Variants in UBE2B observed in about 807,000 individuals in gnomAD.
UBE2B encodes ubiquitin-conjugating enzyme E2 B.
Under a neutral mutation model 24.6 loss-of-function variants are expected in UBE2B, and 11 were observed. That is an observed-to-expected ratio of 0.45 (90% CI 0.28 to 0.74). The LOEUF (loss-of-function observed/expected upper bound fraction) is 0.74, where lower values mean the gene tolerates loss of function less well. Among genes scored for constraint, UBE2B ranks in the 30% least tolerant of loss-of-function variants. UBE2B has a pLI of 0.13. For synonymous variants in UBE2B, 68 were observed against 62.4 expected (o/e 1.09, Z -0.42); for missense variants, 78 against 185.6 (o/e 0.42, Z 3.37).
At chr5:134,383,154 A>C (rs1438417318) in intron 4 of UBE2B, among the ~76,000 whole-genome samples, 1 of 152,094 alleles carries the variant, frequency 6.6e-6, no homozygotes. Flanking sequence ...ACAGAGCAAG[A>C]CTCCATCTCA....
chr5:134,378,266 T>G (rs1251043797), intron 3 of UBE2B, among the ~76,000 whole-genome samples: 1 of 152,190 alleles, frequency 6.6e-6, no homozygotes, highest in East Asian at 1.9e-4. Flanking sequence ...TGGGTTTTTT[T>G]TGTTTGTTTT....
At chr5:134,385,768 C>G (rs923193579) in intron 4 of UBE2B, 1 of 152,216 alleles carries the variant, frequency 6.6e-6, no homozygotes, top group African/African-American at 2.4e-5. Context: ...AGTCCCAGCA[C>G]TTTGGGAGGC....
intron 4 of UBE2B, among the ~76,000 whole-genome samples, chr5:134,384,173 A>G (rs1465818245): frequency 2.0e-5 from 3 of 152,196 alleles, no homozygotes; most frequent in Non-Finnish European, 4.4e-5. Context: ...CACTTTCAGG[A>G]AGAACATTTT....
At chr5:134,377,532 A>C (rs186053144) in intron 3 of UBE2B, among the ~76,000 whole-genome samples, 113 of 152,388 alleles carry the variant, frequency 7.4e-4, no homozygotes, top group Non-Finnish European at 1.3e-3. Flanking sequence ...TTGTCGTAGC[A>C]TCACATTTTT....
At chr5:134,378,803 C>G (rs1443085990) in intron 3 of UBE2B, among the ~76,000 whole-genome samples, 2 of 151,738 alleles carry the variant, frequency 1.3e-5, no homozygotes, top group Non-Finnish European at 2.9e-5. Context: ...GTGGCGGGCA[C>G]CTGTAATCCC....
chr5:134,376,340 A>ATATATATATAT (rs1206993709), intron 2 of UBE2B, among the ~76,000 whole-genome samples: 63 of 5,908 alleles, frequency 0.011, 3 homozygotes, highest in Non-Finnish European at 0.016. Context: ...AAAAAAAAAA[A>ATATATATATAT]AAAAAAAAAT....
At chr5:134,385,669 G>A (rs546436647) in intron 4 of UBE2B, 1 of 151,896 alleles carries the variant, frequency 6.6e-6, no homozygotes, top group African/African-American at 2.4e-5. Flanking sequence ...TTAATGAAAG[G>A]AATATGTATA....
At chr5:134,388,446 C>A in intron 5 of UBE2B, 33 bp downstream of exon 5, 2 of 1,591,690 alleles carry the variant, frequency 1.3e-6, no homozygotes, top group South Asian at 1.1e-5. Context: ...TATAATTTGT[C>A]AGTATTCTGT....
intron 4 of UBE2B, among the ~76,000 whole-genome samples, chr5:134,387,278 T>G (rs779375012): frequency 1.3e-5 from 2 of 152,174 alleles, no homozygotes; most frequent in Non-Finnish European, 2.9e-5. Flanking sequence ...ATAAGTAGTA[T>G]TATAGTGAAC....
chr5:134,388,607 C>G (rs990916821), intron 5 of UBE2B, among the ~76,000 whole-genome samples, 194 bp downstream of exon 5: 1 of 152,140 alleles, frequency 6.6e-6, no homozygotes, highest in Non-Finnish European at 1.5e-5. Flanking sequence ...CATGTTCTCA[C>G]AGGTCAAACC....
intron 4 of UBE2B, among the ~76,000 whole-genome samples, chr5:134,384,950 A>T (rs777567680): frequency 1.3e-4 from 20 of 152,168 alleles, no homozygotes; most frequent in Non-Finnish European, 7.4e-5. Flanking sequence ...ATCTTATACT[A>T]TGTGGTCCTT....
At chr5:134,383,914 A>AT (rs1758756013) in intron 4 of UBE2B, among the ~76,000 whole-genome samples, 1 of 151,424 alleles carries the variant, frequency 6.6e-6, no homozygotes, top group East Asian at 1.9e-4. Flanking sequence ...GTCATTTTCC[A>AT]TTTTTTTCCT....
intron 4 of UBE2B, among the ~76,000 whole-genome samples, chr5:134,381,920 G>A (rs2149692210): frequency 6.6e-6 from 1 of 152,186 alleles, no homozygotes; most frequent in East Asian, 1.9e-4. Flanking sequence ...CTTCAGCCTG[G>A]GTGACAAACC....
At chr5:134,388,745 C>G (rs760909109) in intron 5 of UBE2B, among the ~76,000 whole-genome samples, 2 of 151,970 alleles carry the variant, frequency 1.3e-5, no homozygotes, top group Non-Finnish European at 2.9e-5. Context: ...CCAAGAAATT[C>G]TATTTTAAAA....
At chr5:134,384,073 C>T (rs1758757898) in intron 4 of UBE2B, among the ~76,000 whole-genome samples, 1 of 152,148 alleles carries the variant, frequency 6.6e-6, no homozygotes, top group East Asian at 1.9e-4. Context: ...TTATAAATTA[C>T]CATGTGAAAG....
At chr5:134,381,020 G>T (rs1758700224) in intron 4 of UBE2B, among the ~76,000 whole-genome samples, 1 of 136,786 alleles carries the variant, frequency 7.3e-6, no homozygotes, top group South Asian at 2.3e-4. Context: ...AGGCTGGAGT[G>T]CAGTGGCGCG....
At chr5:134,381,029 C>T (rs1047835334) in intron 4 of UBE2B, among the ~76,000 whole-genome samples, 8 of 134,130 alleles carry the variant, frequency 6.0e-5, no homozygotes, top group African/African-American at 1.1e-4. Flanking sequence ...TGCAGTGGCG[C>T]GATCTCGGCT....
intron 2 of UBE2B, among the ~76,000 whole-genome samples, chr5:134,376,364 T>TATATATATATATATATATATATAC (rs70976528): frequency 5.8e-4 from 46 of 79,446 alleles, no homozygotes; most frequent in African/African-American, 7.7e-4. Flanking sequence ...TATATATATA[T>TATATATATATATATATATATATAC]ACACATATGT....
intron 4 of UBE2B, among the ~76,000 whole-genome samples, chr5:134,381,120 C>T (rs1031362564): frequency 6.6e-6 from 1 of 152,036 alleles, no homozygotes; most frequent in Non-Finnish European, 1.5e-5. Context: ...GCGTCCACCA[C>T]CACGCCTGGC....
Sources: allele counts gnomAD v4.1 joint callset (sites outside exome capture counted in the v4.1 genomes callset), GRCh38; gene constraint gnomAD v4.1.1; transcripts MANE v1.5; gene names NCBI Gene and HGNC (gene_info 2026-07-23, HGNC 2026-07-21).